The following NTRK3 variants were observed in gnomAD, a reference collection of about 807,000 sequenced individuals.
NTRK3 encodes neurotrophic receptor tyrosine kinase 3.
Under a neutral mutation model 91.7 loss-of-function variants are expected in NTRK3, and 24 were observed. That is an observed-to-expected ratio of 0.26 (90% CI 0.19 to 0.37). NTRK3 has a LOEUF of 0.37. Ranked by LOEUF, NTRK3 falls within the 10% of genes least tolerant of loss-of-function variation. NTRK3 has a pLI of 1.00. For synonymous variants in NTRK3, 483 were observed against 404.0 expected, an observed-to-expected ratio of 1.20 and a Z score of -2.34; for missense variants, 880 against 1,068.9, an observed-to-expected ratio of 0.82 and a Z score of 2.46.
At chr15:88,122,153 A>T (rs1297101437) in intron 13 of NTRK3, among the ~76,000 whole-genome samples, 2 of 152,232 alleles carry the variant, frequency 1.3e-5, no homozygotes, top group African/African-American at 4.8e-5. Context: ...ACACTCACAG[A>T]GTAATGCATT....
chr15:87,905,773 A>G (rs572280406), intron 17 of NTRK3, among the ~76,000 whole-genome samples: 1 of 152,012 alleles, frequency 6.6e-6, no homozygotes, highest in East Asian at 1.9e-4. Flanking sequence ...CCTCCTTCCA[A>G]CGTGCGTGAG....
intron 3 of NTRK3, among the ~76,000 whole-genome samples, chr15:88,214,594 G>A (rs1023327635): frequency 2.0e-5 from 3 of 151,784 alleles, no homozygotes; most frequent in Non-Finnish European, 4.4e-5. Flanking sequence ...CAGCCACTGG[G>A]CTGTACTGCT....
At chr15:88,051,336 C>T (rs2080802151) in intron 13 of NTRK3, among the ~76,000 whole-genome samples, 1 of 152,208 alleles carries the variant, frequency 6.6e-6, no homozygotes, top group Non-Finnish European at 1.5e-5. Flanking sequence ...GTTATTTCTT[C>T]CTGTAGATTC....
intron 3 of NTRK3, among the ~76,000 whole-genome samples, chr15:88,184,942 G>C (rs1274281432): frequency 6.6e-6 from 1 of 152,214 alleles, no homozygotes; most frequent in Non-Finnish European, 1.5e-5. Flanking sequence ...CCACTAGAGT[G>C]TCATGGAAAG....
chr15:88,218,873 C>A (rs2050013365), intron 3 of NTRK3, among the ~76,000 whole-genome samples: 1 of 152,214 alleles, frequency 6.6e-6, no homozygotes, highest in African/African-American at 2.4e-5. Context: ...CTATTCTCAT[C>A]CAAATCCACC....
At chr15:88,161,786 C>T (rs775372451) in intron 5 of NTRK3, among the ~76,000 whole-genome samples, 1 of 152,116 alleles carries the variant, frequency 6.6e-6, no homozygotes, top group African/African-American at 2.4e-5. Flanking sequence ...CAGGAGATCC[C>T]AGCTGAACAA....
In NTRK3 at chr15:88,039,159, ACACACG is replaced by A. The variant is rs917827395; in HGVS notation, c.1397-6120_1397-6115del. Among the ~76,000 whole-genome samples, 9 of 150,058 alleles carry A rather than the reference ACACACG, an allele frequency of 6.0e-5. No homozygotes were observed. In the East Asian group the frequency reaches 9.8e-4, roughly 16 times the overall value. ...CACACACACACACACACACACACAC[ACACACG>A]CACAGAAACACACAGCCCGCCTATT... On this transcript the variant is annotated intron_variant, in intron 13 of 18. Coordinates refer to ENST00000394480, the Ensembl canonical transcript of NTRK3.
At chr15:87,873,534 A>C (rs2064878565) in exon 19 of NTRK3, 1 of 231,904 alleles carries the variant, frequency 4.3e-6, no homozygotes, top group Non-Finnish European at 8.5e-6. Flanking sequence ...TGGAGCGTTC[A>C]TCAAAAGACA....
intron 15 of NTRK3, among the ~76,000 whole-genome samples, chr15:87,934,600 A>C (rs1012481819): frequency 1.3e-5 from 2 of 152,158 alleles, no homozygotes; most frequent in African/African-American, 4.8e-5. Flanking sequence ...GGGGGGGTCC[A>C]TCAAACCTCT....
intron 14 of NTRK3, among the ~76,000 whole-genome samples, chr15:87,946,867 G>T (rs8033918): frequency 7.0e-6 from 1 of 143,688 alleles, no homozygotes; most frequent in East Asian, 2.0e-4. Flanking sequence ...TCTGTCTTTC[G>T]TGGGTTCTTT....
intron 13 of NTRK3, among the ~76,000 whole-genome samples, chr15:88,049,836 C>T (rs1321159034): frequency 6.6e-6 from 1 of 152,166 alleles, no homozygotes; most frequent in Non-Finnish European, 1.5e-5. Flanking sequence ...TTCTGCTAAT[C>T]GAAGATGGTT....
chr15:88,152,279 C>T lies in NTRK3; in HGVS notation c.396-4876G>A, dbSNP rs529436142. 9.2e-5 allele frequency among the ~76,000 whole-genome samples: 14 copies of T among 152,246 alleles called. No individual in the cohort carries two copies. In the South Asian group the frequency reaches 2.9e-3, roughly 32 times the overall value. ...TTGCGCCATTGCACTCCAGCCTGGG[C>T]AACAAGAGTGAAACTCCATCTCAAA... On this transcript the variant is annotated intron_variant, in intron 5 of 18. Coordinates refer to ENST00000394480, the Ensembl canonical transcript of NTRK3.
chr15:87,877,889 G>A (rs1285570904), intron 18 of NTRK3, among the ~76,000 whole-genome samples: 4 of 152,066 alleles, frequency 2.6e-5, no homozygotes, highest in East Asian at 3.9e-4. Context: ...ATGAGACCAC[G>A]AAAAGGGACT....
At chr15:88,063,407 C>T (rs2046382652) in intron 13 of NTRK3, among the ~76,000 whole-genome samples, 1 of 152,240 alleles carries the variant, frequency 6.6e-6, no homozygotes, top group Admixed American at 6.5e-5. Flanking sequence ...GACAGCTTCT[C>T]TCACTAATGG....
At chr15:88,210,742 T>C (rs1413694000) in intron 3 of NTRK3, among the ~76,000 whole-genome samples, 1 of 152,224 alleles carries the variant, frequency 6.6e-6, no homozygotes, top group Non-Finnish European at 1.5e-5. Flanking sequence ...TCTTCTGATT[T>C]ATTTGTAAAT....
At chr15:88,057,851 G>A (rs139242802) in intron 13 of NTRK3, among the ~76,000 whole-genome samples, 41 of 152,334 alleles carry the variant, frequency 2.7e-4, no homozygotes, top group African/African-American at 9.1e-4. Flanking sequence ...TGAGGGAGGC[G>A]GATTGCCCTC....
rs1336165921 is a variant in NTRK3, at chr15:88,230,151, C to A, written c.248+25755G>T. ...AAAAAGTGGGAATCATAACACCTACCTTGTTCAGCTGTGATTAAATTAAAT... is the reference window on the plus strand; with the variant it reads ...AAAAAGTGGGAATCATAACACCTACATTGTTCAGCTGTGATTAAATTAAAT... On this transcript the variant is annotated intron_variant, in intron 3 of 18. Transcript: ENST00000394480. Among the ~76,000 whole-genome samples the A allele has an allele frequency of 2.0e-5, 3 of 152,210 alleles. No individual in the cohort carries two copies. In the South Asian group the frequency reaches 6.2e-4, roughly 32 times the overall value.
At chr15:88,053,968 G>A (rs1169441296) in intron 13 of NTRK3, among the ~76,000 whole-genome samples, 1 of 152,160 alleles carries the variant, frequency 6.6e-6, no homozygotes, top group Non-Finnish European at 1.5e-5. Flanking sequence ...TGATAGAAAG[G>A]TTTGCTCTCT....
intron 3 of NTRK3, among the ~76,000 whole-genome samples, chr15:88,187,704 C>T (rs543053810): frequency 9.9e-5 from 15 of 152,120 alleles, no homozygotes; most frequent in African/African-American, 1.7e-4. Context: ...GAGGCTGAGG[C>T]GGGTGGATCA....
Sources: allele counts gnomAD v4.1 joint callset (sites outside exome capture counted in the v4.1 genomes callset), GRCh38; gene constraint gnomAD v4.1.1; transcripts MANE v1.5; gene names NCBI Gene and HGNC (gene_info 2026-07-23, HGNC 2026-07-21).